The following TENM3 variants were observed in gnomAD, a reference collection of about 807,000 sequenced individuals.
TENM3 encodes the protein teneurin-3.
TENM3 carries 63 observed loss-of-function variants against 255.1 expected under a neutral mutation model. The ratio of observed to expected loss-of-function variants is 0.25; its 90% CI spans 0.20 to 0.30. The LOEUF (loss-of-function observed/expected upper bound fraction) is 0.30, where lower values mean the gene tolerates loss of function less well. Ranked by LOEUF, TENM3 falls within the 10% of genes least tolerant of loss-of-function variation. The pLI is 1.00. For synonymous variants in TENM3, 1,306 were observed against 1,322.3 expected, an observed-to-expected ratio of 0.99 and a Z score of 0.27; for missense variants, 2,929 against 3,461.1, an observed-to-expected ratio of 0.85 and a Z score of 3.86.
the TENM3 span, among the ~76,000 whole-genome samples, chr4:182,057,568 C>G: frequency 6.6e-6 from 1 of 151,642 alleles, no homozygotes; most frequent in Non-Finnish European, 1.5e-5. Context: ...CACCACCATG[C>G]CCAGCTAATT....
chr4:182,639,425 A>G (rs1008247309), intron 5 of TENM3, among the ~76,000 whole-genome samples: 2 of 152,198 alleles, frequency 1.3e-5, no homozygotes, highest in African/African-American at 4.8e-5. Context: ...AGTTAATTTT[A>G]GCTCTTCTTC....
the TENM3 span, among the ~76,000 whole-genome samples, chr4:181,701,138 G>C: frequency 7.9e-5 from 12 of 152,210 alleles, no homozygotes; most frequent in South Asian, 8.3e-4. Context: ...TAGTATTCTC[G>C]TTGACCTTGT....
intron 3 of TENM3, among the ~76,000 whole-genome samples, chr4:182,369,103 A>G (rs774506271): frequency 8.5e-5 from 13 of 152,222 alleles, no homozygotes; most frequent in Non-Finnish European, 2.9e-5. Context: ...TTCCAATGAT[A>G]ATTGCTAAGG....
chr4:181,549,086 A>C, the TENM3 span, among the ~76,000 whole-genome samples: 46 of 152,276 alleles, frequency 3.0e-4, no homozygotes, highest in African/African-American at 1.0e-3. Flanking sequence ...GAATGCTGGA[A>C]CTTCAGCTTA....
intron 3 of TENM3, among the ~76,000 whole-genome samples, chr4:182,551,443 T>C (rs185296528): frequency 1.7e-3 from 263 of 152,150 alleles, no homozygotes; most frequent in African/African-American, 6.1e-3. Context: ...TGTGAAGAAA[T>C]AAATACATGG....
the TENM3 span, among the ~76,000 whole-genome samples, chr4:181,560,363 G>A: frequency 6.6e-6 from 1 of 152,164 alleles, no homozygotes; most frequent in Non-Finnish European, 1.5e-5. Context: ...TATGAGTTAG[G>A]GGGTGTGGGG....
the TENM3 span, among the ~76,000 whole-genome samples, chr4:182,138,811 G>A: frequency 6.6e-6 from 1 of 152,122 alleles, no homozygotes; most frequent in Non-Finnish European, 1.5e-5. Flanking sequence ...CATTGTTTTT[G>A]TCTTTACTTC....
At chr4:182,460,157 A>G (rs1202812790) in intron 3 of TENM3, among the ~76,000 whole-genome samples, 1 of 152,202 alleles carries the variant, frequency 6.6e-6, no homozygotes, top group Non-Finnish European at 1.5e-5. Context: ...CTAGTTCTAC[A>G]TTCTGATAAA....
At chr4:182,042,992 CTT>C in the TENM3 span, among the ~76,000 whole-genome samples, 6 of 149,362 alleles carry the variant, frequency 4.0e-5, no homozygotes, top group East Asian at 2.0e-4. Flanking sequence ...AGAAGGTCGT[CTT>C]TTTTTTTTTA....
the TENM3 span, among the ~76,000 whole-genome samples, chr4:181,959,882 G>T: frequency 6.6e-6 from 1 of 152,108 alleles, no homozygotes; most frequent in East Asian, 1.9e-4. Flanking sequence ...AAAACTAAAT[G>T]CCTATATCCT....
the TENM3 span, among the ~76,000 whole-genome samples, chr4:182,036,273 C>A: frequency 6.6e-6 from 1 of 152,142 alleles, no homozygotes; most frequent in African/African-American, 2.4e-5. Context: ...TTACTGCAAC[C>A]TCCACCTCCC....
the TENM3 span, among the ~76,000 whole-genome samples, chr4:181,983,188 A>G: frequency 1.2e-3 from 179 of 152,290 alleles, no homozygotes; most frequent in Non-Finnish European, 2.3e-3. Flanking sequence ...TCAAGTGTCA[A>G]CAGAAGCACC....
chr4:182,331,238 C>A (rs60358124), intron 2 of TENM3, among the ~76,000 whole-genome samples: 3,352 of 152,228 alleles, frequency 0.022, 118 homozygotes, highest in African/African-American at 0.076. Flanking sequence ...TTACCTATCA[C>A]CTAAAATTTA....
the TENM3 span, among the ~76,000 whole-genome samples, chr4:182,044,395 C>T: frequency 6.6e-6 from 1 of 152,174 alleles, no homozygotes; most frequent in Admixed American, 6.5e-5. Context: ...TTAACTAATG[C>T]TTTCCAGTGT....
chr4:181,995,515 G>A, the TENM3 span, among the ~76,000 whole-genome samples: 1 of 152,080 alleles, frequency 6.6e-6, no homozygotes, highest in South Asian at 2.1e-4. Context: ...CAATCAGGTT[G>A]TATTGCAAAA....
At chr4:182,253,455 A>C (rs1758172519) in intron 1 of TENM3, among the ~76,000 whole-genome samples, 1 of 152,192 alleles carries the variant, frequency 6.6e-6, no homozygotes, top group African/African-American at 2.4e-5. Flanking sequence ...CCTGGGCGAC[A>C]AGAGCAAAAC....
the TENM3 span, among the ~76,000 whole-genome samples, chr4:181,783,281 C>T: frequency 6.6e-6 from 1 of 152,046 alleles, no homozygotes; most frequent in Non-Finnish European, 1.5e-5. Flanking sequence ...TCTCTGAGGA[C>T]TTGCTTTATG....
At chr4:182,237,404 C>T (rs574985630) in intron 1 of TENM3, among the ~76,000 whole-genome samples, 4 of 148,650 alleles carry the variant, frequency 2.7e-5, no homozygotes, top group East Asian at 3.9e-4. Context: ...CTCACTCTGT[C>T]GCCTAGGCTG....
chr4:181,779,283 A>G, the TENM3 span, among the ~76,000 whole-genome samples: 6 of 150,770 alleles, frequency 4.0e-5, no homozygotes, highest in East Asian at 3.9e-4. Context: ...TTATTTATTT[A>G]TTTATTTATT....
Sources: gnomAD v4.1 joint callset for allele counts (sites outside exome capture counted in the v4.1 genomes callset) on GRCh38, gnomAD v4.1.1 for gene constraint, MANE v1.5 for transcripts, NCBI Gene and HGNC (gene_info 2026-07-23, HGNC 2026-07-21) for gene names.